FHAD1: variants seen among roughly 807,000 people sequenced by gnomAD.
FHAD1 encodes the protein forkhead associated phosphopeptide binding domain 1.
FHAD1 carries 146 observed loss-of-function variants against 191.3 expected under a neutral mutation model. The observed-to-expected ratio is 0.76, with a 90% CI of 0.67 to 0.88. The LOEUF is 0.88. FHAD1 is among the 40% of genes least tolerant of loss of function. The probability of loss-of-function intolerance (pLI) is 0.00; values close to 1 mark genes in which losing one functional copy is unlikely to be tolerated. For synonymous variants in FHAD1, 616 were observed against 672.3 expected, an observed-to-expected ratio of 0.92 and a Z score of 1.29; for missense variants, 1,635 against 1,785.8, an observed-to-expected ratio of 0.92 and a Z score of 1.52.
chr1:15,390,581 C>CA (rs1703740824), intron 32 of FHAD1, among the ~76,000 whole-genome samples: 1 of 152,110 alleles, frequency 6.6e-6, no homozygotes, highest in African/African-American at 2.4e-5. Flanking sequence ...GGTTGGGGAT[C>CA]TCTGAGAGGG....
At chr1:15,237,046 T>G (rs1482680781) in intron 1 of FHAD1, among the ~76,000 whole-genome samples, 1 of 152,030 alleles carries the variant, frequency 6.6e-6, no homozygotes, top group Non-Finnish European at 1.5e-5. Context: ...CGCGTTTGCT[T>G]CCCCTTCCAC....
At chr1:15,356,699 G>A (rs1008703831) in intron 20 of FHAD1, among the ~76,000 whole-genome samples, 1 of 151,830 alleles carries the variant, frequency 6.6e-6, no homozygotes, top group East Asian at 1.9e-4. Context: ...TGGCAAAACC[G>A]CATCTCTGCT....
chr1:15,332,265 C>T lies in FHAD1; in HGVS notation c.1906+2724C>T, dbSNP rs138978143. 1.4e-4 allele frequency among the ~76,000 whole-genome samples: 21 copies of T among 152,278 alleles called. No individual in the cohort carries two copies. The East Asian group carries it at 3.9e-3, about 28-fold the overall frequency. On this transcript the variant is annotated intron_variant, in intron 14 of 33. Coordinates refer to ENST00000688493, the MANE Select transcript of FHAD1 (RefSeq NM_001391957.1). The stretch of plus-strand genomic sequence containing the variant: ...AACATGGAGCAGAGTTCTCGTTGTT[C>T]TTCAAGACTGGAACTAAAACAAAGA...
intron 6 of FHAD1, among the ~76,000 whole-genome samples, chr1:15,306,314 C>T (rs1670477029): frequency 6.6e-6 from 1 of 152,160 alleles, no homozygotes; most frequent in Non-Finnish European, 1.5e-5. Flanking sequence ...CTGTTAAAAG[C>T]ATTCCATTTT....
intron 6 of FHAD1, among the ~76,000 whole-genome samples, chr1:15,305,190 A>G (rs906892071): frequency 3.3e-5 from 5 of 152,220 alleles, no homozygotes; most frequent in African/African-American, 4.8e-5. Context: ...CTATGTGGGG[A>G]GCCAGGCATG....
intron 20 of FHAD1, among the ~76,000 whole-genome samples, chr1:15,355,441 G>A (rs867244254): frequency 4.6e-5 from 7 of 152,130 alleles, no homozygotes; most frequent in African/African-American, 1.4e-4. Context: ...AATAGGAAAG[G>A]GAGAGAGGAG....
intron 26 of FHAD1, among the ~76,000 whole-genome samples, chr1:15,370,418 T>A (rs1697728938): frequency 6.6e-6 from 1 of 152,256 alleles, no homozygotes; most frequent in African/African-American, 2.4e-5. Context: ...CCCTTTTAAA[T>A]GGTTGTGTAG....
intron 6 of FHAD1, among the ~76,000 whole-genome samples, chr1:15,307,530 G>A (rs1487657871): frequency 3.3e-5 from 5 of 152,192 alleles, no homozygotes; most frequent in African/African-American, 9.7e-5. Flanking sequence ...CCCACACATT[G>A]TGAGAGGGAC....
At position 15,369,427 on chromosome 1, in the gene FHAD1, G is replaced by A; in HGVS notation, c.3372G>A (p.Arg1124=). The A allele has an allele frequency of 1.3e-6, 2 of 1,551,880 alleles. No homozygotes were observed. The highest frequency in any genetic ancestry group is 1.4e-5 in the African/African-American group (1 of 73,154). The part of the protein sequence containing the change: ...QLNTEKEQKP[R]KKTQTCDTSV... ...ACACAGAGAAGGAACAGAAGCCCCG[G>A]AAGAAGACCCAGACGTGTGACACCT... Residue 1124 remains arginine (R), a synonymous_variant, in exon 26 of 34, where the codon CGG becomes CGA. Transcript: ENST00000688493.
At position 15,308,705 on chromosome 1, in the gene FHAD1, G is replaced by A. The variant is rs1671322155; in HGVS notation, c.1008G>A (p.Glu336=). Residue 336 remains glutamate (E), a synonymous_variant, in exon 7 of 34, where the codon GAG becomes GAA. Transcript: ENST00000688493. ...TCACATCCCTGAAGAATGAGGGCGA[G>A]AACTTAAAGAGAGACAACGCTATCA... ...SEITSLKNEG[E]NLKRDNAITS... The A allele has an allele frequency of 6.4e-7, 1 of 1,551,758 alleles. No homozygotes were observed. The highest frequency in any genetic ancestry group is 1.4e-5 in the African/African-American group (1 of 73,194).
chr1:15,247,572 A>G (rs1465932504), intron 1 of FHAD1, among the ~76,000 whole-genome samples, 177 bp downstream of exon 1: 1 of 151,946 alleles, frequency 6.6e-6, no homozygotes, highest in East Asian at 1.9e-4. Flanking sequence ...TCCTTTCCAG[A>G]TGCAGGCCCC....
intron 19 of FHAD1, among the ~76,000 whole-genome samples, chr1:15,350,455 C>T (rs912815061): frequency 6.6e-6 from 1 of 152,234 alleles, no homozygotes; most frequent in Non-Finnish European, 1.5e-5. Context: ...AGGACCTGAG[C>T]TTGCCAGGAG....
chr1:15,337,749 G>A (rs943175960), intron 14 of FHAD1, among the ~76,000 whole-genome samples: 3 of 151,740 alleles, frequency 2.0e-5, no homozygotes, highest in Admixed American at 1.3e-4. Context: ...CTCGAATGCA[G>A]CCCAGCTATT....
At chr1:15,299,616 G>T (rs966952224) in intron 5 of FHAD1, among the ~76,000 whole-genome samples, 1 of 152,218 alleles carries the variant, frequency 6.6e-6, no homozygotes, top group African/African-American at 2.4e-5. Flanking sequence ...CCGTGTGGAA[G>T]GGTCAGGGGT....
chr1:15,237,106 CAATT>C (rs1192608427), intron 1 of FHAD1, among the ~76,000 whole-genome samples: 1 of 152,184 alleles, frequency 6.6e-6, no homozygotes, highest in East Asian at 1.9e-4. Context: ...AACTGTGAGT[CAATT>C]AAACCTCTTT....
At chr1:15,291,095 C>A (rs1435785159) in intron 4 of FHAD1, among the ~76,000 whole-genome samples, 43 of 149,372 alleles carry the variant, frequency 2.9e-4, no homozygotes, top group Admixed American at 2.8e-3. Context: ...CTACCATTAA[C>A]ATTTTACTAT....
At position 15,389,680 on chromosome 1, in the gene FHAD1, C is replaced by T. The variant is rs1997728; in HGVS notation, c.4270-1530C>T. Reference sequence around the variant, plus strand: ...GCTTTGGGAGAACAGTGGAGACTTACGAGCACCTATGCCCCTATCCTAAAA... The same window carrying T: ...GCTTTGGGAGAACAGTGGAGACTTATGAGCACCTATGCCCCTATCCTAAAA... On this transcript the variant is annotated intron_variant, in intron 32 of 33. Coordinates refer to ENST00000688493, the MANE Select transcript of FHAD1 (RefSeq NM_001391957.1). 2.9e-3 allele frequency among the ~76,000 whole-genome samples: 443 copies of T among 152,154 alleles called. 1 individual carries two copies. The highest frequency in any genetic ancestry group is 0.01 in the African/African-American group (428 of 41,496).
chr1:15,241,566 C>G (rs1645371750), intron 1 of FHAD1, among the ~76,000 whole-genome samples: 1 of 152,140 alleles, frequency 6.6e-6, no homozygotes, highest in Non-Finnish European at 1.5e-5. Context: ...AGGAGAATCA[C>G]TTGAACACGG....
chr1:15,324,705 T>C, intron 11 of FHAD1, 146 bp downstream of exon 11: 1 of 650,564 alleles, frequency 1.5e-6, no homozygotes, highest in South Asian at 1.8e-5. Flanking sequence ...GCAGAGGCTG[T>C]CTGCAGCTCC....
Sources: allele counts gnomAD v4.1 joint callset (sites outside exome capture counted in the v4.1 genomes callset), GRCh38; gene constraint gnomAD v4.1.1; transcripts MANE v1.5; gene names NCBI Gene and HGNC (gene_info 2026-07-23, HGNC 2026-07-21).